Variants in SLC26A4 observed in about 807,000 individuals in gnomAD.
The protein encoded by SLC26A4 is pendrin.
A neutral mutation model predicts 90.4 loss-of-function variants in SLC26A4; 93 were observed. That is an observed-to-expected ratio of 1.03 (90% CI 0.87 to 1.22). The LOEUF (loss-of-function observed/expected upper bound fraction) is 1.22, where lower values mean the gene tolerates loss of function less well. SLC26A4 is among the 50% of genes most tolerant of loss of function. SLC26A4 has a pLI of 0.00. For missense variants in SLC26A4, 1,127 were observed against 946.2 expected, an observed-to-expected ratio of 1.19 and a Z score of -2.51; for synonymous variants, 393 against 354.6, an observed-to-expected ratio of 1.11 and a Z score of -1.22.
intron 6 of SLC26A4, among the ~76,000 whole-genome samples, chr7:107,680,300 A>AATGTTATATTATT (rs79285399): frequency 0.038 from 1,373 of 36,152 alleles, 56 homozygotes; most frequent in Non-Finnish European, 0.049. Context: ...CTTATTATAT[A>AATGTTATATTATT]ATATAATCTT....
At chr7:107,688,641 C>T (rs1001830757) in intron 8 of SLC26A4, among the ~76,000 whole-genome samples, 3 of 152,172 alleles carry the variant, frequency 2.0e-5, no homozygotes, top group African/African-American at 7.2e-5. Flanking sequence ...GAGCTGATAC[C>T]TCTTCAAACA....
At chr7:107,692,306 C>T (rs1222388870) in intron 10 of SLC26A4, among the ~76,000 whole-genome samples, 1 of 152,176 alleles carries the variant, frequency 6.6e-6, no homozygotes, top group Non-Finnish European at 1.5e-5. Context: ...GAACTGAAAT[C>T]CAGGGACTGA....
chr7:107,661,701 C>CA lies in SLC26A4; in HGVS notation c.61dup (p.Met21AsnfsTer66). The CA allele has an allele frequency of 6.4e-7, 1 of 1,571,118 alleles. No individual in the cohort carries two copies. The highest frequency in any genetic ancestry group is 8.6e-7 in the Non-Finnish European group (1 of 1,162,234). ...AGCTCCCCGAGTACAGCTGCAGCTACATGGTGTCGCGGCCGGTCTACAGCG... is the reference window on the plus strand; with the variant it reads ...AGCTCCCCGAGTACAGCTGCAGCTACAATGGTGTCGCGGCCGGTCTACAGCG... On this transcript the variant is annotated frameshift_variant, in exon 2 of 21. Coordinates refer to ENST00000644269, the MANE Select transcript of SLC26A4 (RefSeq NM_000441.2). LOFTEE classifies it high-confidence loss of function. This position sits in a 1 kb window ranked among gnomAD's most constrained non-coding sequence, Gnocchi z 5.1.
intron 4 of SLC26A4, 55 bp from the exon 5 acceptor site, chr7:107,674,109 C>T: frequency 6.7e-7 from 1 of 1,486,634 alleles, no homozygotes. Context: ...TATGCAGACA[C>T]ATTGAACATT....
Position 107,661,346 on chromosome 7 carries a change from C to G in SLC26A4, c.-3-293C>G. ...GCGGGCCATAGGGGACTGGGTGGAA[C>G]TCGGGAAGCCCCCAGAGCAGGGGCT... On this transcript the variant is annotated intron_variant, in intron 1 of 20. Transcript: ENST00000644269. This position sits in a 1 kb window ranked among gnomAD's most constrained non-coding sequence, Gnocchi z 5.1. 1 of 530,316 alleles carries G rather than the reference C, an allele frequency of 1.9e-6. No homozygotes were observed. Among genetic ancestry groups the G allele is most frequent in the South Asian group, 2.1e-5 (1 of 47,724 alleles). 32.9% of individuals were successfully genotyped at this position (530,316 alleles called of 1,614,324 possible). A position where few individuals can be genotyped will look rare whatever the true frequency, so the allele number is the denominator to read the frequency against.
chr7:107,698,315 T>C (rs923233037), intron 14 of SLC26A4, among the ~76,000 whole-genome samples: 1 of 151,986 alleles, frequency 6.6e-6, no homozygotes, highest in Non-Finnish European at 1.5e-5. Flanking sequence ...GCTAGCTGAA[T>C]GTCTTTTTTT....
intron 16 of SLC26A4, 53 bp downstream of exon 16, chr7:107,701,249 A>T (rs1045961665): frequency 9.0e-7 from 1 of 1,108,962 alleles, no homozygotes; most frequent in Non-Finnish European, 1.4e-6. Context: ...CCCTGATGAG[A>T]GCAGTTAGAG....
At chr7:107,663,796 G>A (rs1790639597) in intron 3 of SLC26A4, among the ~76,000 whole-genome samples, 3 of 152,112 alleles carry the variant, frequency 2.0e-5, no homozygotes, top group African/African-American at 7.2e-5. Context: ...CCATTCTCCC[G>A]CCTCAGCCTC....
At chr7:107,710,336 A>T (rs1163993057) in intron 19 of SLC26A4, 137 bp downstream of exon 19, 17 of 701,444 alleles carry the variant, frequency 2.4e-5, no homozygotes, top group Non-Finnish European at 3.0e-5. Context: ...CAGTTTTTTC[A>T]TCAGTAAAAT....
intron 10 of SLC26A4, chr7:107,691,888 C>G (rs1302800962): frequency 1.6e-6 from 2 of 1,266,338 alleles, no homozygotes; most frequent in Admixed American, 2.4e-5. Context: ...GAGCCAATTT[C>G]CAAAGCTGTG....
At chr7:107,676,827 A>G (rs536077762) in intron 6 of SLC26A4, among the ~76,000 whole-genome samples, 40 of 152,206 alleles carry the variant, frequency 2.6e-4, no homozygotes, top group Non-Finnish European at 5.1e-4. Context: ...ACTACAGGCC[A>G]GGTACTATGC....
chr7:107,676,169 C>T (rs1002250513), intron 6 of SLC26A4, among the ~76,000 whole-genome samples: 1 of 152,172 alleles, frequency 6.6e-6, no homozygotes, highest in African/African-American at 2.4e-5. Context: ...ATCACCATGC[C>T]TCAGTTTCCT....
At chr7:107,714,598 A>G (rs1366038922) in intron 20 of SLC26A4, among the ~76,000 whole-genome samples, 2 of 152,098 alleles carry the variant, frequency 1.3e-5, no homozygotes, top group Non-Finnish European at 2.9e-5. Flanking sequence ...TAAGACTGCT[A>G]TATTATAGGA....
intron 18 of SLC26A4, 33 bp downstream of exon 18, chr7:107,704,418 G>A (rs893187861): frequency 2.1e-6 from 2 of 947,770 alleles, no homozygotes; most frequent in East Asian, 2.4e-5. Flanking sequence ...CTACCTGTAA[G>A]ACTTTCCCGT....
chr7:107,698,638 A>G (rs1350802327), intron 14 of SLC26A4, among the ~76,000 whole-genome samples: 1 of 152,084 alleles, frequency 6.6e-6, no homozygotes, highest in Non-Finnish European at 1.5e-5. Context: ...ATTTTAATAT[A>G]AAACTGTTGT....
rs752785346 is a variant in SLC26A4 at position 107,674,223 on chromosome 7, GA to G, written c.477del (p.Glu159AspfsTer13). 3.1e-6 allele frequency: 5 copies of G among 1,614,024 alleles called. No homozygotes were observed. Among genetic ancestry groups the G allele is most frequent in the Non-Finnish European group, 4.2e-6 (5 of 1,180,004 alleles). ...TGTTGTTCTGAGCATGGCCCCCGAC[GA>G]ACACTTTCTCGTATCCAGCAGCAAT... ...GSVVLSMAPD[E>X]HFLVSSSNGT... On this transcript the variant is annotated frameshift_variant, in exon 5 of 21. Transcript: ENST00000644269. LOFTEE classifies it high-confidence loss of function.
intron 14 of SLC26A4, among the ~76,000 whole-genome samples, chr7:107,698,595 G>A (rs1177893369): frequency 1.3e-5 from 2 of 152,116 alleles, no homozygotes; most frequent in South Asian, 2.1e-4. Context: ...GGGATTACAG[G>A]CGTGAGCCAC....
At chr7:107,711,551 T>TATTATTTA (rs1792187105) in intron 19 of SLC26A4, among the ~76,000 whole-genome samples, 1 of 152,206 alleles carries the variant, frequency 6.6e-6, no homozygotes, top group African/African-American at 2.4e-5. Context: ...TATTACATAC[T>TATTATTTA]TACTGGTCCA....
intron 8 of SLC26A4, 88 bp downstream of exon 8, chr7:107,683,625 A>G: frequency 1.0e-6 from 1 of 978,902 alleles, no homozygotes; most frequent in South Asian, 1.4e-5. Context: ...TACAAGCTTC[A>G]TTTCACTGAT....
Sources: allele counts gnomAD v4.1 joint callset (sites outside exome capture counted in the v4.1 genomes callset), GRCh38; gene constraint gnomAD v4.1.1; non-coding constraint Gnocchi (gnomAD v3.1); transcripts MANE v1.5; gene names NCBI Gene and HGNC (gene_info 2026-07-23, HGNC 2026-07-21).